XKR9: variants seen among roughly 807,000 people sequenced by gnomAD.
XKR9 encodes XK-related protein 9.
Under a neutral mutation model 32.0 loss-of-function variants are expected in XKR9, and 32 were observed. That is an observed-to-expected ratio of 1.00 (90% CI 0.76 to 1.34). The LOEUF is 1.34. Among genes scored for constraint, XKR9 ranks in the 40% most tolerant of loss-of-function variants. The pLI is 0.00. For synonymous variants in XKR9, 168 were observed against 143.4 expected (o/e 1.17, Z -1.22); for missense variants, 546 against 429.7 (o/e 1.27, Z -2.39).
At chr8:70,825,280 TTTTC>T in the XKR9 span, among the ~76,000 whole-genome samples, 6 of 152,224 alleles carry the variant, frequency 3.9e-5, no homozygotes, top group East Asian at 1.2e-3. Context: ...CTTCATAGGT[TTTTC>T]TTGTCCTTAC....
At chr8:70,809,908 G>T in the XKR9 span, among the ~76,000 whole-genome samples, 4 of 152,126 alleles carry the variant, frequency 2.6e-5, no homozygotes, top group Non-Finnish European at 5.9e-5. Flanking sequence ...TAGCAAGGCA[G>T]GCCAACATTC....
At chr8:70,929,972 G>T in the XKR9 span, among the ~76,000 whole-genome samples, 1 of 152,108 alleles carries the variant, frequency 6.6e-6, no homozygotes, top group African/African-American at 2.4e-5. Flanking sequence ...AATTCTGCCC[G>T]TCACAGGCAC....
At chr8:70,963,138 C>T in the XKR9 span, among the ~76,000 whole-genome samples, 4 of 152,032 alleles carry the variant, frequency 2.6e-5, no homozygotes, top group Non-Finnish European at 4.4e-5. Flanking sequence ...ACCTGAGAGG[C>T]CCCAGTGTGT....
chr8:70,907,650 A>T, the XKR9 span, among the ~76,000 whole-genome samples: 1 of 152,224 alleles, frequency 6.6e-6, no homozygotes, highest in Non-Finnish European at 1.5e-5. Flanking sequence ...TCTGCTATTG[A>T]TATTTAGACC....
the XKR9 span, among the ~76,000 whole-genome samples, chr8:71,030,528 A>C: frequency 6.6e-6 from 1 of 152,224 alleles, no homozygotes; most frequent in East Asian, 1.9e-4. Context: ...CTGAAAGAAC[A>C]AAACTTTCCA....
the XKR9 span, among the ~76,000 whole-genome samples, chr8:70,909,765 G>A: frequency 7.8e-6 from 1 of 128,926 alleles, no homozygotes. Flanking sequence ...CTGGAATACA[G>A]TGGCATGATC....
chr8:70,756,439 A>G (rs1364520192), intron 2 of XKR9, among the ~76,000 whole-genome samples: 3 of 152,208 alleles, frequency 2.0e-5, no homozygotes, highest in Non-Finnish European at 4.4e-5. Context: ...CATTGAATCT[A>G]TGGATCAGTT....
the XKR9 span, among the ~76,000 whole-genome samples, chr8:71,009,560 G>A: frequency 6.6e-6 from 1 of 152,106 alleles, no homozygotes; most frequent in Non-Finnish European, 1.5e-5. Flanking sequence ...GGATTGTTTT[G>A]GGGTTGCAAA....
At chr8:70,706,420 T>G (rs1245947230) in intron 3 of XKR9, among the ~76,000 whole-genome samples, 9 of 152,094 alleles carry the variant, frequency 5.9e-5, no homozygotes, top group Admixed American at 5.9e-4. Flanking sequence ...TAAGGAAGAT[T>G]CAATCTCATC....
chr8:70,775,501 T>G (rs1266702468), intron 2 of XKR9, among the ~76,000 whole-genome samples: 3 of 152,172 alleles, frequency 2.0e-5, no homozygotes, highest in Admixed American at 1.3e-4. Context: ...TTTCTGAGAT[T>G]TTAAAATTAT....
At chr8:70,860,881 T>G in the XKR9 span, among the ~76,000 whole-genome samples, 1 of 152,072 alleles carries the variant, frequency 6.6e-6, no homozygotes, top group African/African-American at 2.4e-5. Flanking sequence ...CTAAGTAGCG[T>G]TACCTCTTAG....
the XKR9 span, among the ~76,000 whole-genome samples, chr8:71,022,274 G>C: frequency 6.6e-6 from 1 of 152,028 alleles, no homozygotes; most frequent in Non-Finnish European, 1.5e-5. Flanking sequence ...TTTTCTTTCT[G>C]GTATAGGACT....
chr8:70,866,201 T>A, the XKR9 span, among the ~76,000 whole-genome samples: 1 of 152,216 alleles, frequency 6.6e-6, no homozygotes, highest in Non-Finnish European at 1.5e-5. Context: ...AAACTGAGAT[T>A]CAAAAGATCT....
the XKR9 span, among the ~76,000 whole-genome samples, chr8:70,874,463 A>C: frequency 6.6e-6 from 1 of 152,222 alleles, no homozygotes; most frequent in Admixed American, 6.5e-5. Context: ...ATAGTAATAT[A>C]AAATTATGGT....
chr8:70,838,371 G>T, the XKR9 span, among the ~76,000 whole-genome samples: 1 of 152,022 alleles, frequency 6.6e-6, no homozygotes, highest in African/African-American at 2.4e-5. Flanking sequence ...ATGTCATTTA[G>T]TTAGGTAGGT....
downstream of XKR9, among the ~76,000 whole-genome samples, chr8:70,737,518 G>A (rs57996878): frequency 0.013 from 1,373 of 108,524 alleles, 5 homozygotes; most frequent in African/African-American, 0.029. Flanking sequence ...GAATAGGAGT[G>A]GTGAGAGAGG....
the XKR9 span, among the ~76,000 whole-genome samples, chr8:70,887,651 G>C: frequency 6.6e-6 from 1 of 152,002 alleles, no homozygotes; most frequent in Non-Finnish European, 1.5e-5. Flanking sequence ...GTCCCTTTAA[G>C]TTGTATTCCT....
chr8:70,809,605 T>C, the XKR9 span, among the ~76,000 whole-genome samples: 3 of 152,190 alleles, frequency 2.0e-5, no homozygotes, highest in South Asian at 6.2e-4. Context: ...TTAAAGGACC[T>C]GATGGAGCTG....
At chr8:70,934,621 C>A in the XKR9 span, among the ~76,000 whole-genome samples, 1 of 151,888 alleles carries the variant, frequency 6.6e-6, no homozygotes, top group Non-Finnish European at 1.5e-5. Flanking sequence ...TAGAGGAAAC[C>A]TTTGCAATTA....
Sources: allele counts gnomAD v4.1 joint callset (sites outside exome capture counted in the v4.1 genomes callset), GRCh38; gene constraint gnomAD v4.1.1; transcripts MANE v1.5; gene names NCBI Gene and HGNC (gene_info 2026-07-23, HGNC 2026-07-21).